ZNF827: variants seen among roughly 807,000 people sequenced by gnomAD.
ZNF827 encodes the protein zinc finger protein 827.
Under a neutral mutation model 102.4 loss-of-function variants are expected in ZNF827, and 13 were observed. The ratio of observed to expected loss-of-function variants is 0.13; its 90% confidence interval spans 0.08 to 0.20. The LOEUF (loss-of-function observed/expected upper bound fraction) is 0.20, where lower values mean the gene tolerates loss of function less well. Among genes scored for constraint, ZNF827 ranks in the 10% least tolerant of loss-of-function variants. The probability of loss-of-function intolerance (pLI) is 1.00; values close to 1 mark genes in which losing one functional copy is unlikely to be tolerated. For missense variants in ZNF827, 1,103 were observed against 1,344.4 expected, an observed-to-expected ratio of 0.82 and a Z score of 2.81; for synonymous variants, 523 against 536.2, an observed-to-expected ratio of 0.98 and a Z score of 0.34.
chr4:145,779,890 C>T (rs1737710793), intron 8 of ZNF827, among the ~76,000 whole-genome samples: 2 of 152,206 alleles, frequency 1.3e-5, no homozygotes, highest in Admixed American at 6.5e-5. Flanking sequence ...TGCCACAAGG[C>T]AGTAAATAAA....
At chr4:145,804,047 C>T (rs149575337) in intron 8 of ZNF827, among the ~76,000 whole-genome samples, 26 of 152,214 alleles carry the variant, frequency 1.7e-4, no homozygotes, top group African/African-American at 5.5e-4. Flanking sequence ...AAAGTCTCTT[C>T]GGTGGAAATT....
intron 6 of ZNF827, among the ~76,000 whole-genome samples, chr4:145,848,285 A>G (rs78256126): frequency 0.011 from 1,733 of 152,306 alleles, 15 homozygotes; most frequent in Non-Finnish European, 0.02. Flanking sequence ...CTGCACAAAT[A>G]CCATCCCTGT....
intron 7 of ZNF827, among the ~76,000 whole-genome samples, chr4:145,842,122 A>G (rs1745480237): frequency 6.6e-6 from 1 of 152,202 alleles, no homozygotes; most frequent in African/African-American, 2.4e-5. Flanking sequence ...AAGAGTTTTT[A>G]AAAATGAGGT....
intron 1 of ZNF827, among the ~76,000 whole-genome samples, chr4:145,923,647 T>A (rs1753232395): frequency 6.6e-6 from 1 of 152,102 alleles, no homozygotes. Flanking sequence ...ACTCTCGTTG[T>A]CTTCTGTTAA....
Position 145,938,562 on chromosome 4 carries a change from T to C in ZNF827, c.-155A>G, listed in dbSNP as rs1351871978. ...CCCTTCTCCGGTGTGTGCAATGGGT[T>C]GAAGCTTGTTTCCTGGAGCCAGAAG... On this transcript the variant is annotated 5_prime_UTR_variant, in exon 1 of 15. Transcript: ENST00000508784. The C allele has an allele frequency of 8.8e-6, 5 of 567,380 alleles. No homozygotes were observed. The highest frequency in any genetic ancestry group is 6.2e-6 in the Non-Finnish European group (2 of 321,882). 35.1% of individuals were successfully genotyped at this position (567,380 alleles called of 1,614,324 possible). A position where few individuals can be genotyped will look rare whatever the true frequency, so the allele number is the denominator to read the frequency against.
chr4:145,846,781 C>T (rs918440934), intron 6 of ZNF827, among the ~76,000 whole-genome samples: 2 of 147,404 alleles, frequency 1.4e-5, no homozygotes, highest in Admixed American at 6.7e-5. Context: ...CGCGCCACTA[C>T]ACTCCAGCCT....
Position 145,903,072 on chromosome 4 carries a change from G to C in ZNF827, c.187C>G (p.Gln63Glu), listed in dbSNP as rs942871193. The change falls in exon 2 of 15, where the codon CAG (glutamine) becomes GAG (glutamate). Residue 63 changes from glutamine to glutamate, a missense_variant. Coordinates refer to ENST00000508784, the MANE Select transcript of ZNF827 (RefSeq NM_001306215.2). The part of the protein sequence containing the change: ...KLSLEDRIQE[Q>E]STSPDTSLGS... ...AAGGAGGTGTCCGGGGACGTGGACT[G>C]CTCCTGGATCCGGTCCTCCAGAGAC... The C allele has an allele frequency of 6.2e-7, 1 of 1,614,216 alleles. No homozygotes were observed. The highest frequency in any genetic ancestry group is 1.3e-5 in the African/African-American group (1 of 75,052).
chr4:145,873,239 A>G (rs540482335), intron 4 of ZNF827, among the ~76,000 whole-genome samples: 2 of 152,252 alleles, frequency 1.3e-5, no homozygotes, highest in South Asian at 2.1e-4. Flanking sequence ...CTGGCCCAAC[A>G]ATTTTTGTTT....
intron 7 of ZNF827, among the ~76,000 whole-genome samples, chr4:145,826,368 G>A (rs989458108): frequency 2.0e-5 from 3 of 152,248 alleles, no homozygotes; most frequent in South Asian, 4.1e-4. Context: ...AGCAACAAAC[G>A]CTAAGTATCT....
chr4:145,760,979 T>C lies in ZNF827; in HGVS notation c.*637A>G. Reference sequence around the variant, plus strand: ...TTGTCAAAGCGCAAAGGGGAGCCGTTGAAGGCCAAAGCCTTGAGTGCCAGG... The same window carrying C: ...TTGTCAAAGCGCAAAGGGGAGCCGTCGAAGGCCAAAGCCTTGAGTGCCAGG... On this transcript the variant is annotated 3_prime_UTR_variant, in exon 15 of 15. Transcript: ENST00000508784. The C allele has an allele frequency of 8.0e-7, 1 of 1,248,144 alleles. No homozygotes were observed. Among genetic ancestry groups the C allele is most frequent in the East Asian group, 5.7e-5 (1 of 17,502 alleles). 77.3% of individuals were successfully genotyped at this position (1,248,144 alleles called of 1,614,324 possible).
chr4:145,819,972 T>A (rs534489338), intron 8 of ZNF827: 15 of 152,280 alleles, frequency 9.9e-5, no homozygotes, highest in Non-Finnish European at 1.6e-4. Context: ...GAGTTTCAGA[T>A]GCCATCTGCC....
At chr4:145,897,992 T>C (rs569740358) in intron 2 of ZNF827, among the ~76,000 whole-genome samples, 5 of 152,156 alleles carry the variant, frequency 3.3e-5, no homozygotes, top group Non-Finnish European at 7.4e-5. Context: ...CCATCTCTAC[T>C]AAAAATACAA....
intron 1 of ZNF827, among the ~76,000 whole-genome samples, chr4:145,912,565 G>T (rs1331880628): frequency 1.3e-5 from 2 of 152,154 alleles, no homozygotes; most frequent in African/African-American, 4.8e-5. Context: ...TGGGAAATAG[G>T]CTTCTGCAGA....
At chr4:145,830,478 T>C (rs898588504) in intron 7 of ZNF827, 2 of 152,186 alleles carry the variant, frequency 1.3e-5, no homozygotes. Context: ...ACACTTTATT[T>C]TTACATATTT....
rs1748376576 is a variant in ZNF827, at chr4:145,868,230, C to T, written c.1981+2015G>A. ...GTATGGCAGTACTAAGTTCCAAGCG[C>T]AAATCACATGAATGGATTCCACTGC... On this transcript the variant is annotated intron_variant, in intron 5 of 14. Coordinates refer to ENST00000508784, the MANE Select transcript of ZNF827 (RefSeq NM_001306215.2). 3.3e-5 allele frequency among the ~76,000 whole-genome samples: 5 copies of T among 152,202 alleles called. No homozygotes were observed. The South Asian group carries it at 1.0e-3, about 32-fold the overall frequency.
intron 1 of ZNF827, among the ~76,000 whole-genome samples, chr4:145,911,423 C>A (rs1297637117): frequency 6.6e-6 from 1 of 152,164 alleles, no homozygotes; most frequent in African/African-American, 2.4e-5. Context: ...ATAAAAATAT[C>A]TAGCACAATG....
chr4:145,937,627 G>A (rs1387805997), intron 1 of ZNF827, among the ~76,000 whole-genome samples: 4 of 145,904 alleles, frequency 2.7e-5, no homozygotes, highest in South Asian at 2.1e-4. Context: ...CGGCGCGTGT[G>A]TACCCGTGTG....
intron 10 of ZNF827, among the ~76,000 whole-genome samples, chr4:145,775,409 A>G (rs1736908259): frequency 6.6e-6 from 1 of 152,094 alleles, no homozygotes; most frequent in Non-Finnish European, 1.5e-5. Context: ...TGGGGTTCTC[A>G]GATTTATATT....
chr4:145,852,787 C>T (rs1285310227), intron 5 of ZNF827, among the ~76,000 whole-genome samples: 2 of 152,156 alleles, frequency 1.3e-5, no homozygotes, highest in South Asian at 2.1e-4. Flanking sequence ...GTAGGTCTCA[C>T]TACGTTGCCC....
Sources: gnomAD v4.1 joint callset for allele counts (sites outside exome capture counted in the v4.1 genomes callset) on GRCh38, gnomAD v4.1.1 for gene constraint, MANE v1.5 for transcripts, NCBI Gene and HGNC (gene_info 2026-07-23, HGNC 2026-07-21) for gene names.